The following LRSAM1 variants were observed in gnomAD, a reference collection of about 807,000 sequenced individuals.
LRSAM1 encodes leucine rich repeat and sterile alpha motif containing 1.
In LRSAM1, 96 loss-of-function variants were observed where a neutral mutation model predicts 118.1. The ratio of observed to expected loss-of-function variants is 0.81; its 90% CI spans 0.69 to 0.96. The LOEUF is 0.96. Ranked by LOEUF, LRSAM1 falls within the 40% of genes least tolerant of loss-of-function variation. The pLI is 0.00. For synonymous variants in LRSAM1, 322 were observed against 364.2 expected, an observed-to-expected ratio of 0.88 and a Z score of 1.32; for missense variants, 804 against 915.5, an observed-to-expected ratio of 0.88 and a Z score of 1.57.
At chr9:127,464,122 C>T (rs1442550443) in intron 9 of LRSAM1, among the ~76,000 whole-genome samples, 1 of 152,212 alleles carries the variant, frequency 6.6e-6, no homozygotes, top group African/African-American at 2.4e-5. Flanking sequence ...CTCAGCCAGC[C>T]CAGCCTGCTG....
chr9:127,496,163 G>T, intron 23 of LRSAM1, 68 bp downstream of exon 23: 2 of 1,591,356 alleles, frequency 1.3e-6, no homozygotes, highest in Non-Finnish European at 1.7e-6. Flanking sequence ...GCCGGGGGTT[G>T]ATCTGCTCCT....
chr9:127,491,552 G>T (rs1377397544), intron 20 of LRSAM1, among the ~76,000 whole-genome samples: 4 of 152,198 alleles, frequency 2.6e-5, no homozygotes, highest in Non-Finnish European at 5.9e-5. Flanking sequence ...CATTGCCAAG[G>T]CTCCCCTGCT....
intron 9 of LRSAM1, among the ~76,000 whole-genome samples, chr9:127,463,942 C>T (rs1446552320): frequency 2.0e-5 from 3 of 152,228 alleles, no homozygotes; most frequent in Admixed American, 6.5e-5. Context: ...GAAACTTGCC[C>T]AAGGGCCACA....
chr9:127,463,782 G>T (rs1210833638), intron 9 of LRSAM1, among the ~76,000 whole-genome samples: 1 of 152,208 alleles, frequency 6.6e-6, no homozygotes, highest in Non-Finnish European at 1.5e-5. Context: ...AGCTCTCACA[G>T]TCATGCTAAT....
intron 23 of LRSAM1, among the ~76,000 whole-genome samples, chr9:127,496,959 G>A (rs1046626938): frequency 1.4e-4 from 22 of 152,214 alleles, no homozygotes; most frequent in African/African-American, 4.6e-4. Context: ...GCCTGGCACC[G>A]GGAAGCAGTT....
chr9:127,491,147 A>G, intron 19 of LRSAM1, 68 bp from the exon 20 acceptor site: 1 of 1,336,114 alleles, frequency 7.5e-7, no homozygotes. Context: ...GTCACCAGAG[A>G]GTAGCAGCAC....
At chr9:127,471,387 C>A (rs1835160206) in intron 10 of LRSAM1, among the ~76,000 whole-genome samples, 1 of 144,166 alleles carries the variant, frequency 6.9e-6, no homozygotes, top group South Asian at 2.2e-4. Context: ...GGGAGGATTG[C>A]TTGAGCCTAA....
intron 10 of LRSAM1, among the ~76,000 whole-genome samples, chr9:127,469,230 G>A (rs1005852977): frequency 2.0e-5 from 3 of 152,158 alleles, no homozygotes; most frequent in Non-Finnish European, 4.4e-5. Context: ...AGCACTTTGG[G>A]AGGCTGAGGT....
intron 7 of LRSAM1, among the ~76,000 whole-genome samples, chr9:127,460,231 C>A (rs1309808523): frequency 1.3e-5 from 2 of 152,182 alleles, no homozygotes; most frequent in Non-Finnish European, 2.9e-5. Flanking sequence ...ATCTCCTGAT[C>A]TCATGATCCA....
Position 127,481,215 on chromosome 9 carries a change from T to G in LRSAM1, c.1076T>G (p.Leu359Arg), listed in dbSNP as rs1466479388. Residue 359 changes from leucine to arginine, a missense_variant, in exon 15 of 26, where the codon CTG becomes CGG. By Grantham distance (102) the Leu-to-Arg change is moderately radical (BLOSUM62 -2). Transcript: ENST00000300417. ...QKKSSEILKS[L>R]ENERIRMEQL... ...AAAAGCTCCGAGATTTTGAAATCGC[T>G]GGAAAATGAAAGGTAAGTGTTCTTC... The G allele has an allele frequency of 1.9e-6, 3 of 1,612,592 alleles. No homozygotes were observed. Among genetic ancestry groups the G allele is most frequent in the African/African-American group, 1.3e-5 (1 of 74,664 alleles).
intron 17 of LRSAM1, 99 bp from the exon 18 acceptor site, chr9:127,487,577 G>T: frequency 8.7e-7 from 1 of 1,152,502 alleles, no homozygotes; most frequent in Non-Finnish European, 1.3e-6. Context: ...GTGGTCCACT[G>T]AAGAAATGGG....
rs537888650 is a variant in LRSAM1, at chr9:127,463,765, G to A, written c.528+1392G>A. On this transcript the variant is annotated intron_variant, in intron 9 of 25. Coordinates refer to ENST00000300417, the MANE Select transcript of LRSAM1 (RefSeq NM_001005373.4). ...GACACTGACAGAGGCAGCTGCTCACGGAAAGCAGCTCTCACAGTCATGCTA... is the reference window on the plus strand; with the variant it reads ...GACACTGACAGAGGCAGCTGCTCACAGAAAGCAGCTCTCACAGTCATGCTA... 6.6e-5 allele frequency among the ~76,000 whole-genome samples: 10 copies of A among 152,280 alleles called. No individual in the cohort carries two copies. In the South Asian group the frequency reaches 1.5e-3, roughly 22 times the overall value.
Position 127,497,277 on chromosome 9 carries a change from C to G in LRSAM1, c.1855C>G (p.Gln619Glu). 6.2e-7 allele frequency: 1 copy of G among 1,613,210 alleles called. No individual in the cohort carries two copies. Among genetic ancestry groups the G allele is most frequent in the East Asian group, 2.2e-5 (1 of 44,876 alleles). ...GGTGGGCGTCTCAGAAGCTGGCCTG[C>G]AGCACGAGATCCTCCGGAGAGTCCA... ...AKVGVSEAGL[Q>E]HEILRRVQEL... Residue 619 changes from glutamine (Q) to glutamate (E), a missense_variant, in exon 24 of 26, where the codon CAG becomes GAG. Transcript: ENST00000300417.
chr9:127,456,000 G>A (rs1207538405), intron 5 of LRSAM1, among the ~76,000 whole-genome samples: 6 of 152,100 alleles, frequency 3.9e-5, no homozygotes, highest in African/African-American at 1.4e-4. Context: ...ACGTAGTAAA[G>A]GCTTATGAAC....
chr9:127,483,132 G>A, intron 16 of LRSAM1, 112 bp downstream of exon 16: 6 of 973,762 alleles, frequency 6.2e-6, no homozygotes, highest in Non-Finnish European at 8.1e-6. Flanking sequence ...GTTAGCCCTC[G>A]AGAGGGGCAG....
chr9:127,483,826 C>A (rs1835627976), intron 16 of LRSAM1, among the ~76,000 whole-genome samples: 2 of 152,104 alleles, frequency 1.3e-5, no homozygotes, highest in South Asian at 4.1e-4. Flanking sequence ...CCACACCAGG[C>A]TAATTTTTGT....
chr9:127,473,953 C>T (rs369169581), intron 11 of LRSAM1, 22 bp downstream of exon 11: 90 of 1,613,986 alleles, frequency 5.6e-5, no homozygotes, highest in Non-Finnish European at 7.0e-5. Context: ...CAGCCTGCTG[C>T]ACGCATACAT....
Position 127,462,180 on chromosome 9 carries a change from C to T in LRSAM1, c.407-72C>T, listed in dbSNP as rs1011358848. 3 of 1,607,434 alleles carry T rather than the reference C, an allele frequency of 1.9e-6. No homozygotes were observed. The African/African-American group carries it at 4.0e-5, about 22-fold the overall frequency. ...TGTGCCCTAGAGGTCAGAGTGGCTCCCAGCGGGCATCAGGCAGGAAGCTGG... is the reference window on the plus strand; with the variant it reads ...TGTGCCCTAGAGGTCAGAGTGGCTCTCAGCGGGCATCAGGCAGGAAGCTGG... On this transcript the variant is annotated intron_variant, in intron 8 of 25. Transcript: ENST00000300417.
chr9:127,481,965 AAAAAAATCT>A (rs1835555180), intron 15 of LRSAM1, among the ~76,000 whole-genome samples: 3 of 151,996 alleles, frequency 2.0e-5, no homozygotes, highest in Non-Finnish European at 4.4e-5. Context: ...GAAATTCAGA[AAAAAAATCT>A]AAATTTCTGG....
Sources: gnomAD v4.1 joint callset for allele counts (sites outside exome capture counted in the v4.1 genomes callset) on GRCh38, gnomAD v4.1.1 for gene constraint, MANE v1.5 for transcripts, NCBI Gene and HGNC (gene_info 2026-07-23, HGNC 2026-07-21) for gene names.